Variants in ANKFN1 observed in about 807,000 individuals in gnomAD.
ANKFN1 encodes the protein ankyrin repeat and fibronectin type-III domain-containing protein 1.
Under a neutral mutation model 108.7 loss-of-function variants are expected in ANKFN1, and 74 were observed. The observed-to-expected ratio is 0.68, with a 90% CI of 0.56 to 0.83. The LOEUF is 0.83. ANKFN1 is among the 40% of genes least tolerant of loss of function. ANKFN1 has a pLI of 0.00. For synonymous variants in ANKFN1, 547 were observed against 516.2 expected, an observed-to-expected ratio of 1.06 and a Z score of -0.81; for missense variants, 1,505 against 1,382.3, an observed-to-expected ratio of 1.09 and a Z score of -1.41.
chr17:56,112,975 T>G (rs1906057491), intron 4 of ANKFN1, among the ~76,000 whole-genome samples: 2 of 152,224 alleles, frequency 1.3e-5, no homozygotes. Context: ...GACGTAGTAT[T>G]TCTGTAGGAT....
At chr17:56,176,307 C>A (rs186419227) in intron 1 of ANKFN1, among the ~76,000 whole-genome samples, 1 of 152,148 alleles carries the variant, frequency 6.6e-6, no homozygotes, top group East Asian at 1.9e-4. Flanking sequence ...GAGTTTAAAA[C>A]CCCTGGTAAG....
intron 1 of ANKFN1, chr17:56,174,433 T>A (rs1226947970): frequency 1.0e-6 from 1 of 982,974 alleles, no homozygotes; most frequent in Non-Finnish European, 1.2e-6. Context: ...GCAGTGATCT[T>A]TTTAGTGAAT....
Position 56,302,613 on chromosome 17 carries a change from T to C in ANKFN1, c.54-23608T>C, listed in dbSNP as rs573257424. Reference sequence around the variant, plus strand: ...TTACAACAAAAGTTCTTGATATTAATAGAAACCCATTCAAACTTAAAGAGA... The same window carrying C: ...TTACAACAAAAGTTCTTGATATTAACAGAAACCCATTCAAACTTAAAGAGA... On this transcript the variant is annotated intron_variant, in intron 3 of 20. Coordinates refer to ENST00000682825, the MANE Select transcript of ANKFN1 (RefSeq NM_001370326.1). Among the ~76,000 whole-genome samples the C allele has an allele frequency of 1.5e-4, 23 of 151,988 alleles. 1 individual carries two copies. The South Asian group carries it at 4.8e-3, about 32-fold the overall frequency.
intron 1 of ANKFN1, among the ~76,000 whole-genome samples, chr17:56,204,150 G>C (rs1254334334): frequency 3.3e-5 from 5 of 152,124 alleles, no homozygotes; most frequent in African/African-American, 1.2e-4. Flanking sequence ...GGGTTCAAGT[G>C]ATCCTCCTGC....
At chr17:56,179,474 T>C (rs1487111860) in intron 1 of ANKFN1, among the ~76,000 whole-genome samples, 1 of 152,124 alleles carries the variant, frequency 6.6e-6, no homozygotes. Context: ...ACGCATTTTT[T>C]CAAAGTGCTA....
chr17:56,072,208 ACTTT>A (rs1353621213), intron 4 of ANKFN1, among the ~76,000 whole-genome samples: 2 of 152,032 alleles, frequency 1.3e-5, no homozygotes, highest in South Asian at 4.2e-4. Context: ...TTGTGTTTTC[ACTTT>A]CTTCTTATTT....
rs2046594192 is a variant in ANKFN1 at position 56,364,007 on chromosome 17, T to C, written c.602-8639T>C. 3.3e-5 allele frequency among the ~76,000 whole-genome samples: 5 copies of C among 152,286 alleles called. No homozygotes were observed. The South Asian group carries it at 6.2e-4, about 19-fold the overall frequency. ...GAGAAATAATTGGTTTTATTAAATT[T>C]ATTGCACTGTGTCATGAAGATAGTT... On this transcript the variant is annotated intron_variant, in intron 6 of 20. Coordinates refer to ENST00000682825, the MANE Select transcript of ANKFN1 (RefSeq NM_001370326.1).
intron 8 of ANKFN1, among the ~76,000 whole-genome samples, chr17:56,395,510 A>G (rs2144898787): frequency 6.6e-6 from 1 of 152,336 alleles, no homozygotes; most frequent in South Asian, 2.1e-4. Context: ...GACTGAAAAG[A>G]CAAATTGTTC....
At chr17:56,337,571 C>G (rs906027303) in intron 4 of ANKFN1, among the ~76,000 whole-genome samples, 14 of 151,662 alleles carry the variant, frequency 9.2e-5, no homozygotes, top group Admixed American at 2.0e-4. Context: ...ACTCATCTGA[C>G]AAAGGGCTAA....
intron 4 of ANKFN1, among the ~76,000 whole-genome samples, chr17:56,088,188 C>T (rs567421349): frequency 6.6e-6 from 1 of 151,482 alleles, no homozygotes; most frequent in African/African-American, 2.4e-5. Flanking sequence ...CTGATTAACA[C>T]ATCTCGTTTT....
chr17:56,145,947 C>G (rs980788049), intron 4 of ANKFN1, among the ~76,000 whole-genome samples: 2 of 152,200 alleles, frequency 1.3e-5, no homozygotes, highest in Non-Finnish European at 2.9e-5. Context: ...AAGACAAGTT[C>G]CTTCCACCTA....
intron 8 of ANKFN1, among the ~76,000 whole-genome samples, chr17:56,424,714 G>C (rs1239676108): frequency 6.6e-6 from 1 of 152,124 alleles, no homozygotes; most frequent in East Asian, 1.9e-4. Flanking sequence ...CCCTAATAAG[G>C]CTGATCTACT....
chr17:56,147,394 G>T (rs1268508955), intron 4 of ANKFN1, among the ~76,000 whole-genome samples: 1 of 152,146 alleles, frequency 6.6e-6, no homozygotes, highest in Non-Finnish European at 1.5e-5. Context: ...CTGAGACTGG[G>T]TAATTTATAA....
In ANKFN1 at chr17:56,467,802, GAAAGAAAGA is replaced by G. The variant is rs2050161611; in HGVS notation, c.1773+1234_1773+1242del. On this transcript the variant is annotated intron_variant, in intron 15 of 20. Coordinates refer to ENST00000682825, the MANE Select transcript of ANKFN1 (RefSeq NM_001370326.1). ...AAGAAAGAAAGAAAGAAGAAAGAAA[GAAAGAAAGA>G]AAGAAAGAAAGAAAGAAAGAAAGAA... 7.4e-4 allele frequency among the ~76,000 whole-genome samples: 23 copies of G among 31,268 alleles called. No individual in the cohort carries two copies. The East Asian group carries it at 0.016, about 22-fold the overall frequency. 20.5% of individuals were successfully genotyped at this position (31,268 alleles called of 152,430 possible). A position where few individuals can be genotyped will look rare whatever the true frequency, so the allele number is the denominator to read the frequency against.
chr17:56,151,025 G>A (rs758517251), upstream of ANKFN1, among the ~76,000 whole-genome samples: 12 of 152,160 alleles, frequency 7.9e-5, no homozygotes, highest in Admixed American at 1.3e-4. Flanking sequence ...AGGATGGAGG[G>A]ACAAGGACCT....
At chr17:56,300,828 C>T (rs1723279397) in intron 3 of ANKFN1, among the ~76,000 whole-genome samples, 2 of 152,248 alleles carry the variant, frequency 1.3e-5, no homozygotes, top group African/African-American at 2.4e-5. Flanking sequence ...GAGTCTTTCT[C>T]CTATTTGTGC....
chr17:56,120,327 T>C (rs1394015983), intron 4 of ANKFN1, among the ~76,000 whole-genome samples: 3 of 152,192 alleles, frequency 2.0e-5, no homozygotes, highest in Admixed American at 2.0e-4. Flanking sequence ...TGTTCTCTTA[T>C]GCCTATCCTC....
intron 19 of ANKFN1, 134 bp from the exon 20 acceptor site, chr17:56,498,748 T>C: frequency 1.4e-6 from 1 of 716,448 alleles, no homozygotes; most frequent in Non-Finnish European, 2.3e-6. Flanking sequence ...GCTTAACAAA[T>C]CTATGTTAAA....
chr17:56,435,544 A>G (rs2048903223), intron 8 of ANKFN1, among the ~76,000 whole-genome samples: 1 of 152,176 alleles, frequency 6.6e-6, no homozygotes. Flanking sequence ...ATATCACAGG[A>G]GAAAACAGCA....
Sources: gnomAD v4.1 joint callset for allele counts (sites outside exome capture counted in the v4.1 genomes callset) on GRCh38, gnomAD v4.1.1 for gene constraint, MANE v1.5 for transcripts, NCBI Gene and HGNC (gene_info 2026-07-23, HGNC 2026-07-21) for gene names.